The following LRP1B variants were observed in gnomAD, a reference collection of about 807,000 sequenced individuals.
LRP1B encodes the protein LDL receptor related protein 1B, also known as low-density lipoprotein receptor-related protein 1B.
Under a neutral mutation model 556.6 loss-of-function variants are expected in LRP1B, and 217 were observed. The ratio of observed to expected loss-of-function variants is 0.39; its 90% CI spans 0.35 to 0.44. The LOEUF is 0.44. LRP1B is among the 20% of genes least tolerant of loss of function. LRP1B has a pLI of 1.00. For synonymous variants in LRP1B, 2,047 were observed against 1,865.8 expected, an observed-to-expected ratio of 1.10 and a Z score of -2.50; for missense variants, 5,053 against 5,620.8, an observed-to-expected ratio of 0.90 and a Z score of 3.23.
chr2:140,560,586 C>T (rs1401621786), intron 43 of LRP1B, among the ~76,000 whole-genome samples: 1 of 152,078 alleles, frequency 6.6e-6, no homozygotes, highest in African/African-American at 2.4e-5. Context: ...AAGATCTCTA[C>T]ACTGAAAACT....
intron 3 of LRP1B, among the ~76,000 whole-genome samples, chr2:141,357,178 C>T (rs922493594): frequency 1.3e-5 from 2 of 152,044 alleles, no homozygotes; most frequent in Non-Finnish European, 2.9e-5. Context: ...GCCTCAGCCT[C>T]CCGAGTAGCT....
At chr2:140,825,030 G>T (rs773340575) in intron 31 of LRP1B, among the ~76,000 whole-genome samples, 2 of 152,032 alleles carry the variant, frequency 1.3e-5, no homozygotes, top group African/African-American at 2.4e-5. Flanking sequence ...GAGGCAGTAG[G>T]TAATCATATA....
At chr2:140,352,372 C>T (rs1359975662) in intron 76 of LRP1B, among the ~76,000 whole-genome samples, 3 of 152,036 alleles carry the variant, frequency 2.0e-5, no homozygotes, top group Non-Finnish European at 4.4e-5. Context: ...GACGGGGTTT[C>T]ACCATGTTGG....
intron 56 of LRP1B, among the ~76,000 whole-genome samples, chr2:140,494,063 T>C (rs746705808): frequency 6.6e-6 from 1 of 152,222 alleles, no homozygotes; most frequent in Non-Finnish European, 1.5e-5. Flanking sequence ...AACTTAAATA[T>C]ATTTCATTTT....
At chr2:141,462,692 C>T (rs1681929765) in intron 3 of LRP1B, among the ~76,000 whole-genome samples, 1 of 152,032 alleles carries the variant, frequency 6.6e-6, no homozygotes, top group Non-Finnish European at 1.5e-5. Context: ...GAAATTACCC[C>T]ATCCTCTCCT....
At chr2:140,667,265 A>C (rs1685310967) in intron 41 of LRP1B, among the ~76,000 whole-genome samples, 1 of 152,192 alleles carries the variant, frequency 6.6e-6, no homozygotes, top group Admixed American at 6.5e-5. Flanking sequence ...ACCAACTAGA[A>C]AAGGTCCATA....
rs143661527 is a variant in LRP1B, at chr2:140,784,376, CCACACA to C, written c.5360-8144_5360-8139del. Among the ~76,000 whole-genome samples, 243 of 126,688 alleles carry C rather than the reference CCACACA, an allele frequency of 1.9e-3. 2 individuals carry two copies. Among genetic ancestry groups the C allele is most frequent in the South Asian group, 9.6e-3 (32 of 3,334 alleles). The allele number at this position is 126,688 out of a possible 152,430, so 83.1% of individuals were successfully genotyped here. A position where few individuals can be genotyped will look rare whatever the true frequency, so the allele number is the denominator to read the frequency against. ...AAGAGATAATTGGAGGATTCTGCCT[CCACACA>C]CACACACACACACACACACACACAC... On this transcript the variant is annotated intron_variant, in intron 32 of 90. Transcript: ENST00000389484.
chr2:140,514,305 C>G (rs1689789670), intron 51 of LRP1B, among the ~76,000 whole-genome samples: 1 of 151,826 alleles, frequency 6.6e-6, no homozygotes, highest in African/African-American at 2.4e-5. Context: ...TGGAGGGTAA[C>G]TTGGTGGTAC....
chr2:141,935,085 A>T (rs1700599892), intron 1 of LRP1B, among the ~76,000 whole-genome samples: 1 of 152,206 alleles, frequency 6.6e-6, no homozygotes, highest in Non-Finnish European at 1.5e-5. Flanking sequence ...GACAGACAGT[A>T]ATTTCTCCAT....
chr2:141,957,879 T>G (rs1297980866), intron 1 of LRP1B, among the ~76,000 whole-genome samples: 2 of 152,070 alleles, frequency 1.3e-5, no homozygotes, highest in Non-Finnish European at 2.9e-5. Flanking sequence ...TCACTCTTGT[T>G]TTAACAAGTT....
chr2:142,051,480 T>G (rs201179145), intron 1 of LRP1B, among the ~76,000 whole-genome samples: 10 of 31,096 alleles, frequency 3.2e-4, no homozygotes, highest in Non-Finnish European at 7.1e-4. Flanking sequence ...TGTTTTTTTG[T>G]TTTTTTTTTG....
At chr2:141,420,232 T>G (rs1680088482) in intron 3 of LRP1B, among the ~76,000 whole-genome samples, 1 of 152,220 alleles carries the variant, frequency 6.6e-6, no homozygotes, top group African/African-American at 2.4e-5. Context: ...ATTTTGCTGA[T>G]GAGTTGACCA....
At chr2:140,872,082 A>T (rs892803861) in intron 25 of LRP1B, among the ~76,000 whole-genome samples, 69 of 109,510 alleles carry the variant, frequency 6.3e-4, no homozygotes, top group Middle Eastern at 6.1e-3. Flanking sequence ...AGGACCTTGT[A>T]TTTTTTTTTT....
chr2:140,886,299 T>A lies in LRP1B; in HGVS notation c.3803A>T (p.His1268Leu). Residue 1268 changes from histidine (H) to leucine (L), a missense_variant, in exon 24 of 91, where the codon CAT becomes CTT. His to Leu is a moderately conservative substitution (Grantham distance 99). This residue lies in a region of LRP1B where 3,619 missense variants were observed against 3,931.9 expected (regional missense o/e 0.92). Transcript: ENST00000389484. The part of the protein sequence containing the change: ...FEAFIIFSIR[H>L]EIRRIDLHKR... Reference sequence around the variant, plus strand: ...GTGAAGATCAATCCTTCTGATCTCATGACGAATAGAAAAGATGATGAATGC... The same window carrying A: ...GTGAAGATCAATCCTTCTGATCTCAAGACGAATAGAAAAGATGATGAATGC... The A allele has an allele frequency of 1.2e-6, 2 of 1,603,972 alleles. No homozygotes were observed. The highest frequency in any genetic ancestry group is 1.7e-6 in the Non-Finnish European group (2 of 1,174,278).
At chr2:140,406,726 A>G (rs1281088680) in intron 66 of LRP1B, among the ~76,000 whole-genome samples, 1 of 152,176 alleles carries the variant, frequency 6.6e-6, no homozygotes, top group Non-Finnish European at 1.5e-5. Flanking sequence ...GCCCATGTTC[A>G]TGGATGGAAA....
intron 2 of LRP1B, among the ~76,000 whole-genome samples, chr2:141,639,320 A>ATATG: frequency 5.1e-5 from 1 of 19,700 alleles, no homozygotes; most frequent in African/African-American, 1.5e-4. Flanking sequence ...ATATATATAT[A>ATATG]TATATATATA....
chr2:141,673,805 T>C (rs560460249), intron 2 of LRP1B, among the ~76,000 whole-genome samples: 11 of 152,240 alleles, frequency 7.2e-5, no homozygotes, highest in African/African-American at 2.6e-4. Context: ...TTACATCATC[T>C]ACCTAAATTG....
At chr2:140,517,132 A>T in intron 49 of LRP1B, 121 bp from the exon 50 acceptor site, 1 of 696,442 alleles carries the variant, frequency 1.4e-6, no homozygotes, top group East Asian at 2.6e-5. Flanking sequence ...AAAATAGCTA[A>T]GATTTTCTCC....
chr2:141,694,221 G>C (rs1468226226), intron 2 of LRP1B, among the ~76,000 whole-genome samples: 1 of 152,000 alleles, frequency 6.6e-6, no homozygotes, highest in Non-Finnish European at 1.5e-5. Flanking sequence ...GTTCTTTCCA[G>C]CTTTACCACT....
Sources: allele counts gnomAD v4.1 joint callset (sites outside exome capture counted in the v4.1 genomes callset), GRCh38; gene constraint gnomAD v4.1.1; regional missense constraint gnomAD v4.1.1; transcripts MANE v1.5; gene names NCBI Gene and HGNC (gene_info 2026-07-23, HGNC 2026-07-21).